Variants in MAP7 observed in about 807,000 individuals in gnomAD.
The protein encoded by MAP7 is microtubule associated protein 7.
MAP7 carries 52 observed loss-of-function variants against 94.8 expected under a neutral mutation model. The ratio of observed to expected loss-of-function variants is 0.55; its 90% confidence interval spans 0.44 to 0.69. The LOEUF (loss-of-function observed/expected upper bound fraction) is 0.69. Ranked by LOEUF, MAP7 falls within the 30% of genes least tolerant of loss-of-function variation. MAP7 has a pLI of 0.00. For synonymous variants in MAP7, 350 were observed against 357.0 expected (o/e 0.98, Z 0.22); for missense variants, 940 against 964.6 (o/e 0.97, Z 0.34).
intron 1 of MAP7, among the ~76,000 whole-genome samples, chr6:136,535,848 T>C (rs576787381): frequency 6.6e-6 from 1 of 152,132 alleles, no homozygotes; most frequent in East Asian, 1.9e-4. Context: ...CTGCACCCAT[T>C]AACTCATCAT....
chr6:136,372,363 G>T, intron 8 of MAP7, 138 bp downstream of exon 8: 1 of 1,022,304 alleles, frequency 9.8e-7, no homozygotes, highest in Non-Finnish European at 1.4e-6. Flanking sequence ...CCAGATTCAT[G>T]ATCAATGGGA....
chr6:136,444,068 TCA>T (rs1582929209), intron 1 of MAP7, among the ~76,000 whole-genome samples: 1 of 152,346 alleles, frequency 6.6e-6, no homozygotes, highest in East Asian at 1.9e-4. Flanking sequence ...CAAAATTTCC[TCA>T]CTTTTTAAGT....
intron 3 of MAP7, among the ~76,000 whole-genome samples, chr6:136,409,926 T>C (rs1343020387): frequency 6.6e-6 from 1 of 152,180 alleles, no homozygotes; most frequent in African/African-American, 2.4e-5. Flanking sequence ...TGGCATTACA[T>C]GTTAAGAAAA....
At chr6:136,360,955 G>T (rs1392913842) in intron 12 of MAP7, 50 bp downstream of exon 12, 1 of 1,545,600 alleles carries the variant, frequency 6.5e-7, no homozygotes, top group Admixed American at 2.0e-5. Flanking sequence ...CTGGGCTGGG[G>T]CGTCTCCCTG....
intron 3 of MAP7, among the ~76,000 whole-genome samples, chr6:136,398,105 A>G (rs936705845): frequency 1.3e-5 from 2 of 152,220 alleles, no homozygotes; most frequent in African/African-American, 4.8e-5. Flanking sequence ...TCCACTATCA[A>G]TCTAGACTCC....
intron 3 of MAP7, among the ~76,000 whole-genome samples, chr6:136,395,155 A>G (rs1336198476): frequency 6.6e-6 from 1 of 151,242 alleles, no homozygotes; most frequent in Non-Finnish European, 1.5e-5. Context: ...ACTGTCTTCC[A>G]TAGCGGCTAC....
chr6:136,536,183 A>C (rs1011298321), intron 1 of MAP7, among the ~76,000 whole-genome samples: 1 of 152,208 alleles, frequency 6.6e-6, no homozygotes, highest in African/African-American at 2.4e-5. Context: ...TTTTTTAAAA[A>C]ATATGAAGTA....
intron 15 of MAP7, among the ~76,000 whole-genome samples, chr6:136,359,241 G>A (rs1295554108): frequency 6.6e-6 from 1 of 151,998 alleles, no homozygotes; most frequent in African/African-American, 2.4e-5. Flanking sequence ...TACATTATAT[G>A]TATGGAAATA....
rs1252539015 is a variant in MAP7, at chr6:136,499,881, A to G, written c.67+50461T>C. 3.3e-5 allele frequency among the ~76,000 whole-genome samples: 5 copies of G among 152,074 alleles called. No homozygotes were observed. In the East Asian group the frequency reaches 9.6e-4, roughly 29 times the overall value. On this transcript the variant is annotated intron_variant, in intron 1 of 17. Transcript: ENST00000354570. The stretch of plus-strand genomic sequence containing the variant: ...CATGGTGGCACATGCCTATAGTCCT[A>G]GCTATTCAGGAGGCTGAAGCGGGAG...
intron 6 of MAP7, among the ~76,000 whole-genome samples, chr6:136,380,512 A>G (rs778838791): frequency 1.3e-5 from 2 of 152,254 alleles, no homozygotes; most frequent in Admixed American, 6.5e-5. Context: ...TCTGAGTCCT[A>G]TGATGAAGAT....
chr6:136,360,413 G>T (rs997970493), intron 13 of MAP7, among the ~76,000 whole-genome samples: 1 of 152,224 alleles, frequency 6.6e-6, no homozygotes, highest in Admixed American at 6.5e-5. Context: ...CCAAAGTGCT[G>T]GGATTACAGG....
intron 1 of MAP7, among the ~76,000 whole-genome samples, chr6:136,470,239 T>C (rs1256851619): frequency 2.0e-5 from 3 of 152,092 alleles, no homozygotes; most frequent in African/African-American, 7.2e-5. Flanking sequence ...AACTGGTTTT[T>C]GTAAAACGGG....
At chr6:136,456,852 A>AGAG in intron 1 of MAP7, among the ~76,000 whole-genome samples, 3 of 144,330 alleles carry the variant, frequency 2.1e-5, no homozygotes, top group Non-Finnish European at 4.7e-5. Context: ...AAGAAGAGGA[A>AGAG]GAAGAAGAAG....
At chr6:136,482,015 T>C (rs1190369682) in intron 1 of MAP7, among the ~76,000 whole-genome samples, 2 of 152,206 alleles carry the variant, frequency 1.3e-5, no homozygotes, top group South Asian at 2.1e-4. Context: ...TGACATTATG[T>C]ATGTGAAAAT....
At chr6:136,414,782 CA>C (rs1788804976) in intron 2 of MAP7, among the ~76,000 whole-genome samples, 1 of 151,202 alleles carries the variant, frequency 6.6e-6, no homozygotes, top group Admixed American at 6.6e-5. Context: ...GCTGAGACTG[CA>C]GGTGTGCACA....
chr6:136,427,170 TAGA>T (rs1204386886), intron 1 of MAP7, among the ~76,000 whole-genome samples: 10 of 152,146 alleles, frequency 6.6e-5, no homozygotes, highest in African/African-American at 2.4e-4. Context: ...GTGGTCACCC[TAGA>T]AGAAGCCAAG....
chr6:136,535,746 TC>T (rs1299943639), intron 1 of MAP7, among the ~76,000 whole-genome samples: 15 of 152,022 alleles, frequency 9.9e-5, no homozygotes, highest in Admixed American at 3.9e-4. Flanking sequence ...TCTTTTTTTT[TC>T]TTTTTTTTTT....
chr6:136,461,048 A>G (rs1418934430), intron 1 of MAP7, among the ~76,000 whole-genome samples: 1 of 152,178 alleles, frequency 6.6e-6, no homozygotes, highest in East Asian at 1.9e-4. Flanking sequence ...GAATTTCTCC[A>G]TCTTATTCCT....
intron 1 of MAP7, among the ~76,000 whole-genome samples, chr6:136,467,674 C>A (rs140918800): frequency 1.3e-5 from 2 of 152,154 alleles, no homozygotes; most frequent in East Asian, 3.9e-4. Context: ...TTTAGAAGGG[C>A]TTTTTGTTTA....
Sources: allele counts gnomAD v4.1 joint callset (sites outside exome capture counted in the v4.1 genomes callset), GRCh38; gene constraint gnomAD v4.1.1; transcripts MANE v1.5; gene names NCBI Gene and HGNC (gene_info 2026-07-23, HGNC 2026-07-21).